ACTR1B: variants seen among roughly 807,000 people sequenced by gnomAD.
The protein encoded by ACTR1B is actin related protein 1B.
ACTR1B carries 34 observed loss-of-function variants against 49.4 expected under a neutral mutation model. The observed-to-expected ratio is 0.69, with a 90% confidence interval of 0.52 to 0.92. The LOEUF (loss-of-function observed/expected upper bound fraction) is 0.92. Ranked by LOEUF, ACTR1B falls within the 40% of genes least tolerant of loss-of-function variation. The pLI, the probability that ACTR1B is intolerant of heterozygous loss-of-function variation, is 0.00. For missense variants in ACTR1B, 471 were observed against 522.4 expected (o/e 0.90, Z 0.96); for synonymous variants, 207 against 207.8 (o/e 1.00, Z 0.03).
Position 97,656,865 on chromosome 2 carries a change from G to T in ACTR1B, c.1124C>A (p.Thr375Asn). ...CCCCGCCCTCCTTGGGCACTAGAAA[G>T]TTTTGCGATGAATAGCACGGGAGCC... Reference protein sequence around the residue: ...EDGSRAIHRKTF With the variant: ...EDGSRAIHRKNF Residue 375 changes from threonine (T) to asparagine (N), a missense_variant, in exon 11 of 11, where the codon ACT becomes AAT. Thr to Asn is a moderately conservative substitution (Grantham distance 65). Coordinates refer to ENST00000289228, the MANE Select transcript of ACTR1B (RefSeq NM_005735.4). 6.3e-7 allele frequency: 1 copy of T among 1,581,768 alleles called. No homozygotes were observed. Among genetic ancestry groups the T allele is most frequent in the African/African-American group, 1.3e-5 (1 of 74,744 alleles).
chr2:97,658,466 A>T lies in ACTR1B; in HGVS notation c.618T>A (p.His206Gln). The change falls in exon 6 of 11, where the codon CAT becomes CAA. Residue 206 changes from histidine to glutamine, a missense_variant. Transcript: ENST00000289228. The surrounding 1 kb of genome is among the most constrained non-coding windows in gnomAD (Gnocchi z 5.9). ...GGACAACCTCAAACTCAGCCGAGGT[A>T]TGGAAGTCAACCCCTTCCTTGCGCA... ...LLLRKEGVDF[H>Q]TSAEFEVVRT... 6.2e-7 allele frequency: 1 copy of T among 1,614,148 alleles called. No individual in the cohort carries two copies. The highest frequency in any genetic ancestry group is 8.5e-7 in the Non-Finnish European group (1 of 1,180,012).
At chr2:97,660,877 A>G (rs576163992) in intron 2 of ACTR1B, among the ~76,000 whole-genome samples, 5 of 152,290 alleles carry the variant, frequency 3.3e-5, no homozygotes, top group African/African-American at 9.6e-5. Context: ...AGACAGCTGC[A>G]TGTCTGAGCG....
chr2:97,659,304 G>C lies in ACTR1B; in HGVS notation c.315+48C>G. The C allele has an allele frequency of 6.2e-7, 1 of 1,612,062 alleles. No individual in the cohort carries two copies. The highest frequency in any genetic ancestry group is 8.5e-7 in the Non-Finnish European group (1 of 1,179,374). Reference sequence around the variant, plus strand: ...GGCGAGGAGGGACGCAGAGGAGAGGGGCATGGCCAGGAGAATGCAGAGCAT... The same window carrying C: ...GGCGAGGAGGGACGCAGAGGAGAGGCGCATGGCCAGGAGAATGCAGAGCAT... On this transcript the variant is annotated intron_variant, in intron 4 of 10. Transcript: ENST00000289228. The surrounding 1 kb of genome is among the most constrained non-coding windows in gnomAD (Gnocchi z 4.0).
At chr2:97,657,752 A>G (rs1038669466) in intron 8 of ACTR1B, among the ~76,000 whole-genome samples, 191 bp downstream of exon 8, 1 of 152,354 alleles carries the variant, frequency 6.6e-6, no homozygotes, top group East Asian at 1.9e-4. Context: ...TACACTTTAG[A>G]GCTTGTGTAA....
At chr2:97,660,905 A>G (rs1001400126) in intron 2 of ACTR1B, among the ~76,000 whole-genome samples, 3 of 152,136 alleles carry the variant, frequency 2.0e-5, no homozygotes, top group African/African-American at 4.8e-5. Context: ...CCAGCCCTCC[A>G]TGGCCCAGCC....
chr2:97,660,121 G>A lies in ACTR1B; in HGVS notation c.189+450C>T, dbSNP rs569431175. On this transcript the variant is annotated intron_variant, in intron 3 of 10. Coordinates refer to ENST00000289228, the MANE Select transcript of ACTR1B (RefSeq NM_005735.4). ...ACGCATGCCCCACGCCCCGGCACCC[G>A]ACACAATGCTCCTCAGGCGCCTAAA... Among the ~76,000 whole-genome samples, 104 of 152,074 alleles carry A rather than the reference G, an allele frequency of 6.8e-4. 1 individual carries two copies. Among genetic ancestry groups the A allele is most frequent in the African/African-American group, 2.3e-3 (96 of 41,496 alleles).
Position 97,658,495 on chromosome 2 carries a change from G to A in ACTR1B, c.589C>T (p.Leu197=), listed in dbSNP as rs1303554566. The change falls in exon 6 of 11, where the codon CTG becomes TTG. Residue 197 remains leucine (L), a synonymous_variant. Transcript: ENST00000289228. The surrounding 1 kb of genome is among the most constrained non-coding windows in gnomAD (Gnocchi z 5.9). ...AAGTCAACCCCTTCCTTGCGCAGCA[G>A]GAGTCGGAGGTAGCGGGAGACGTCG... ...GRDVSRYLRL[L]LRKEGVDFHT... 1 of 1,614,192 alleles carries A rather than the reference G, an allele frequency of 6.2e-7. No homozygotes were observed. Among genetic ancestry groups the A allele is most frequent in the East Asian group, 2.2e-5 (1 of 44,870 alleles).
rs529573514 is a variant in ACTR1B, at chr2:97,656,670, A to G, written c.*188T>C. ...TCAAGGCTCCTGTCCATGCAGCTCA[A>G]TGTTACTTGTGTGTGCATGTCCTGT... On this transcript the variant is annotated 3_prime_UTR_variant, in exon 11 of 11. Coordinates refer to ENST00000289228, the MANE Select transcript of ACTR1B (RefSeq NM_005735.4). 425 of 594,222 alleles carry G rather than the reference A, an allele frequency of 7.2e-4. 10 individuals carry two copies. Among genetic ancestry groups the G allele is most frequent in the South Asian group, 7.1e-3 (356 of 50,064 alleles). The allele number at this position is 594,222 out of a possible 1,614,324, so 36.8% of individuals were successfully genotyped here.
chr2:97,662,086 C>G, intron 1 of ACTR1B, 140 bp from the exon 2 acceptor site: 2 of 815,752 alleles, frequency 2.5e-6, no homozygotes, highest in Non-Finnish European at 3.9e-6. Flanking sequence ...TACAAGTACA[C>G]CTATGGTTCA....
Position 97,663,993 on chromosome 2 carries a change from G to A in ACTR1B, c.-103C>T. The stretch of plus-strand genomic sequence containing the variant: ...CGGCGGCGGCTCCCGACGCGGCGCC[G>A]CTGCCCTCCCTCCCCGAGCCTGCAG... On this transcript the variant is annotated 5_prime_UTR_variant, in exon 1 of 11. Transcript: ENST00000289228. The A allele has an allele frequency of 1.5e-6, 1 of 677,440 alleles. No homozygotes were observed. The highest frequency in any genetic ancestry group is 2.0e-6 in the Non-Finnish European group (1 of 489,486). 42.0% of individuals were successfully genotyped at this position (677,440 alleles called of 1,614,324 possible).
chr2:97,662,934 G>C (rs1045553322), intron 1 of ACTR1B, among the ~76,000 whole-genome samples: 1 of 152,118 alleles, frequency 6.6e-6, no homozygotes, highest in Non-Finnish European at 1.5e-5. Flanking sequence ...ACCCACATGG[G>C]TACTCTAAAA....
rs778570418 is a variant in ACTR1B, at chr2:97,659,439, C to T, written c.228G>A (p.Glu76=). Residue 76 remains glutamate (E), a synonymous_variant, in exon 4 of 11, where the codon GAG becomes GAA. Transcript: ENST00000289228. The surrounding 1 kb of genome is among the most constrained non-coding windows in gnomAD (Gnocchi z 4.0). ...RGLLTIRYPM[E]HGVVRDWNDM... ...CGTTCCAGTCTCGCACCACGCCGTG[C>T]TCCATGGGGTAGCGGATGGTCAGCA... is the stretch of plus-strand genomic sequence containing the variant. 2.5e-6 allele frequency: 4 copies of T among 1,613,886 alleles called. No homozygotes were observed. Among genetic ancestry groups the T allele is most frequent in the Admixed American group, 1.7e-5 (1 of 59,994 alleles).
rs1674960568 is a variant in ACTR1B at position 97,659,681 on chromosome 2, A to T, written c.190-204T>A. The T allele has an allele frequency of 1.5e-6, 1 of 673,558 alleles. No individual in the cohort carries two copies. Among genetic ancestry groups the T allele is most frequent in the Non-Finnish European group, 2.5e-6 (1 of 404,620 alleles). The allele number at this position is 673,558 out of a possible 1,614,324, so 41.7% of individuals were successfully genotyped here. On this transcript the variant is annotated intron_variant, in intron 3 of 10. Transcript: ENST00000289228. This position sits in a 1 kb window ranked among gnomAD's most constrained non-coding sequence, Gnocchi z 4.0. Reference sequence around the variant, plus strand: ...CTGCCCACCAGCTTCTTAGGCTCTTAGAGCCCAGCTAGCTTCAGCTGGGGG... The same window carrying T: ...CTGCCCACCAGCTTCTTAGGCTCTTTGAGCCCAGCTAGCTTCAGCTGGGGG...
In ACTR1B at chr2:97,656,915, C is replaced by T. The variant is rs147578035; in HGVS notation, c.1074G>A (p.Val358=). Residue 358 remains valine (V), a synonymous_variant, in exon 11 of 11, where the codon GTG becomes GTA. Coordinates refer to ENST00000289228, the MANE Select transcript of ACTR1B (RefSeq NM_005735.4). ...CATCCTCTTCATACTCCTTTTTGGACACCCACATCTTCTTAAAAGTGTCCA... is the reference window on the plus strand; with the variant it reads ...CATCCTCTTCATACTCCTTTTTGGATACCCACATCTTCTTAAAAGTGTCCA... ...ASLDTFKKMW[V]SKKEYEEDGS... 1.1e-4 allele frequency: 168 copies of T among 1,596,026 alleles called. 2 individuals carry two copies. The highest frequency in any genetic ancestry group is 9.9e-4 in the Middle Eastern group (6 of 6,058).
chr2:97,657,927 T>C lies in ACTR1B; in HGVS notation c.925+16A>G. 3 of 1,612,234 alleles carry C rather than the reference T, an allele frequency of 1.9e-6. No homozygotes were observed. Among genetic ancestry groups the C allele is most frequent in the Non-Finnish European group, 2.5e-6 (3 of 1,178,840 alleles). On this transcript the variant is annotated intron_variant, in intron 8 of 10. Transcript: ENST00000289228. ...TGGGCCTCGTCTCACCACCACCAAC[T>C]CTCAAGCCACAGTACCTTTGAAAAG...
Position 97,656,914 on chromosome 2 carries a change from A to C in ACTR1B, c.1075T>G (p.Ser359Ala). ...SLDTFKKMWV[S>A]KKEYEEDGSR... Reference sequence around the variant, plus strand: ...CCATCCTCTTCATACTCCTTTTTGGACACCCACATCTTCTTAAAAGTGTCC... The same window carrying C: ...CCATCCTCTTCATACTCCTTTTTGGCCACCCACATCTTCTTAAAAGTGTCC... Residue 359 changes from serine (S) to alanine (A), a missense_variant, in exon 11 of 11, where the codon TCC becomes GCC. Ser to Ala is a moderately conservative substitution (Grantham distance 99). Transcript: ENST00000289228. 1.3e-6 allele frequency: 2 copies of C among 1,596,156 alleles called. No homozygotes were observed. The highest frequency in any genetic ancestry group is 1.7e-6 in the Non-Finnish European group (2 of 1,171,310).
chr2:97,657,040 C>G, intron 10 of ACTR1B, 80 bp from the exon 11 acceptor site: 3 of 1,580,700 alleles, frequency 1.9e-6, no homozygotes, highest in Non-Finnish European at 2.6e-6. Flanking sequence ...GTTGCATTTC[C>G]CTAATTTGGG....
rs1398586067 is a variant in ACTR1B, at chr2:97,658,364, T to G, written c.658-48A>C. The G allele has an allele frequency of 6.2e-7, 1 of 1,612,436 alleles. No homozygotes were observed. The highest frequency in any genetic ancestry group is 2.2e-5 in the East Asian group (1 of 44,876). Reference sequence around the variant, plus strand: ...CTCAGAAGGCTGCACCTGGGACACCTGTGCCTTGGTGCCACCCTTTCCTCA... The same window carrying G: ...CTCAGAAGGCTGCACCTGGGACACCGGTGCCTTGGTGCCACCCTTTCCTCA... On this transcript the variant is annotated intron_variant, in intron 6 of 10. Transcript: ENST00000289228. This position sits in a 1 kb window ranked among gnomAD's most constrained non-coding sequence, Gnocchi z 5.9.
chr2:97,662,744 C>T (rs1026485715), intron 1 of ACTR1B, among the ~76,000 whole-genome samples: 1 of 152,216 alleles, frequency 6.6e-6, no homozygotes, highest in Admixed American at 6.5e-5. Flanking sequence ...GATGGAATCC[C>T]CAAGGGGCCG....
Sources: allele counts gnomAD v4.1 joint callset (sites outside exome capture counted in the v4.1 genomes callset), GRCh38; gene constraint gnomAD v4.1.1; non-coding constraint Gnocchi (gnomAD v3.1); transcripts MANE v1.5; gene names NCBI Gene and HGNC (gene_info 2026-07-23, HGNC 2026-07-21).